The following DPY19L3 variants were observed in gnomAD, a reference collection of about 807,000 sequenced individuals.
DPY19L3 encodes the protein protein C-mannosyl-transferase DPY19L3.
Under a neutral mutation model 92.3 loss-of-function variants are expected in DPY19L3, and 51 were observed. That is an observed-to-expected ratio of 0.55 (90% CI 0.44 to 0.70). The LOEUF is 0.70. DPY19L3 is among the 30% of genes least tolerant of loss of function. DPY19L3 has a pLI of 0.00. For synonymous variants in DPY19L3, 309 were observed against 315.2 expected, an observed-to-expected ratio of 0.98 and a Z score of 0.21; for missense variants, 706 against 855.9, an observed-to-expected ratio of 0.82 and a Z score of 2.18.
At position 32,439,114 on chromosome 19, in the gene DPY19L3, T is replaced by C. The variant is rs1441350396; in HGVS notation, c.599T>C (p.Ile200Thr). The C allele has an allele frequency of 1.2e-6, 2 of 1,611,386 alleles. No homozygotes were observed. The highest frequency in any genetic ancestry group is 2.2e-5 in the East Asian group (1 of 44,872). The change falls in exon 7 of 19, where the codon ATA becomes ACA. Residue 200 changes from isoleucine (I) to threonine (T), a missense_variant and splice_region_variant. Transcript: ENST00000392250. ...CATTTGTGTTTTCTTTTGTGCAGAA[T>C]AGATACCACAAGAGTTGAGTTTACC... ...LAAFWYVTNR[I>T]DTTRVEFTIP...
intron 3 of DPY19L3, among the ~76,000 whole-genome samples, chr19:32,424,704 T>A (rs749797658): frequency 1.3e-5 from 2 of 152,162 alleles, no homozygotes; most frequent in African/African-American, 4.8e-5. Flanking sequence ...GAATCCCAGG[T>A]GGACTTTTCA....
intron 3 of DPY19L3, among the ~76,000 whole-genome samples, chr19:32,414,725 A>T (rs1442161517): frequency 1.3e-5 from 2 of 152,270 alleles, no homozygotes; most frequent in African/African-American, 4.8e-5. Flanking sequence ...TTGAATGCTA[A>T]CAACCGTATA....
At chr19:32,471,142 G>T (rs1284518547) in intron 16 of DPY19L3, among the ~76,000 whole-genome samples, 2 of 152,156 alleles carry the variant, frequency 1.3e-5, no homozygotes, top group African/African-American at 4.8e-5. Context: ...TCACCTCACT[G>T]CTTTGATTAG....
Position 32,436,384 on chromosome 19 carries a change from T to C in DPY19L3, c.329-62T>C. On this transcript the variant is annotated intron_variant, in intron 4 of 18. Transcript: ENST00000392250. ...ACTTACTAAACAATCTGTGCATAGT[T>C]TTGAATGAATGAATAATTATGAGTG... 2.3e-6 allele frequency: 3 copies of C among 1,288,400 alleles called. No homozygotes were observed. In the South Asian group the frequency reaches 5.3e-5, roughly 23 times the overall value. The allele number at this position is 1,288,400 out of a possible 1,614,324, so 79.8% of individuals were successfully genotyped here.
At chr19:32,463,232 ATTCAT>A in intron 12 of DPY19L3, 129 bp from the exon 13 acceptor site, 1 of 1,003,566 alleles carries the variant, frequency 1.0e-6, no homozygotes, top group Non-Finnish European at 1.5e-6. Context: ...ATCAATGCGA[ATTCAT>A]TTCATCTTAT....
chr19:32,406,023 G>T (rs1967928922), intron 1 of DPY19L3, 114 bp downstream of exon 1: 1 of 151,060 alleles, frequency 6.6e-6, no homozygotes, highest in Non-Finnish European at 1.5e-5. Context: ...TCCCCGCCGC[G>T]TGGCGCAGTC....
chr19:32,418,487 A>AT (rs1044887509), intron 3 of DPY19L3, among the ~76,000 whole-genome samples: 6 of 151,912 alleles, frequency 3.9e-5, no homozygotes, highest in African/African-American at 1.2e-4. Flanking sequence ...CGGGAACTAA[A>AT]TTTTTTTTTA....
chr19:32,424,259 G>A (rs892234795), intron 3 of DPY19L3, among the ~76,000 whole-genome samples: 1 of 151,346 alleles, frequency 6.6e-6, no homozygotes, highest in Admixed American at 6.6e-5. Flanking sequence ...GGTCAAGGCT[G>A]CAGTGAGCTG....
At chr19:32,427,292 C>G (rs187236274) in intron 3 of DPY19L3, among the ~76,000 whole-genome samples, 1 of 152,102 alleles carries the variant, frequency 6.6e-6, no homozygotes, top group African/African-American at 2.4e-5. Flanking sequence ...ACCGCACCCC[C>G]GCATTCTTCT....
intron 15 of DPY19L3, chr19:32,467,692 T>G (rs1246011354): frequency 1.0e-6 from 1 of 987,598 alleles, no homozygotes; most frequent in African/African-American, 1.7e-5. Flanking sequence ...CAGTGGAGCA[T>G]ACATACATTG....
intron 16 of DPY19L3, among the ~76,000 whole-genome samples, chr19:32,474,155 T>G (rs928358431): frequency 6.6e-6 from 1 of 152,258 alleles, no homozygotes; most frequent in African/African-American, 2.4e-5. Flanking sequence ...TGTATTTTAC[T>G]GCTTTAAAAT....
rs1444462232 is a variant in DPY19L3 at position 32,482,868 on chromosome 19, GTGTC to G, written c.*632_*635del. On this transcript the variant is annotated 3_prime_UTR_variant, in exon 19 of 19. Coordinates refer to ENST00000392250, the MANE Select transcript of DPY19L3 (RefSeq NM_001172774.2). ...CAGCAGTATGTGTCATGTATTGTGT[GTGTC>G]TGTGTGTGTGCATGTGCACACATGT... is the stretch of plus-strand genomic sequence containing the variant. The G allele has an allele frequency of 3.9e-5, 6 of 152,244 alleles. No individual in the cohort carries two copies. The highest frequency in any genetic ancestry group is 9.6e-5 in the African/African-American group (4 of 41,458). The allele number at this position is 152,244 out of a possible 1,614,324, so 9.4% of individuals were successfully genotyped here.
intron 18 of DPY19L3, 126 bp from the exon 19 acceptor site, chr19:32,481,953 A>G: frequency 2.7e-6 from 3 of 1,107,826 alleles, no homozygotes; most frequent in Admixed American, 5.1e-5. Flanking sequence ...GCCCATGGAC[A>G]TTGAAATAAT....
chr19:32,406,652 C>T (rs1967964183), intron 1 of DPY19L3, among the ~76,000 whole-genome samples: 1 of 152,208 alleles, frequency 6.6e-6, no homozygotes. Context: ...CCGGCTAGCG[C>T]TAGTCGTCCT....
chr19:32,457,804 C>T (rs1969913568), intron 10 of DPY19L3, among the ~76,000 whole-genome samples: 2 of 152,148 alleles, frequency 1.3e-5, no homozygotes, highest in Admixed American at 1.3e-4. Context: ...TCAGCCTTCT[C>T]CCTCTCCCTG....
chr19:32,431,095 C>T (rs953074775), intron 3 of DPY19L3, among the ~76,000 whole-genome samples: 2 of 152,090 alleles, frequency 1.3e-5, no homozygotes, highest in Non-Finnish European at 2.9e-5. Flanking sequence ...TATGAAAAAG[C>T]ATGGCCGGGT....
At chr19:32,431,191 C>T (rs1201768763) in intron 3 of DPY19L3, among the ~76,000 whole-genome samples, 1 of 152,008 alleles carries the variant, frequency 6.6e-6, no homozygotes, top group Non-Finnish European at 1.5e-5. Flanking sequence ...ACCAGCCTTA[C>T]CAACATGGAG....
intron 9 of DPY19L3, among the ~76,000 whole-genome samples, chr19:32,454,357 G>A (rs192930474): frequency 2.6e-5 from 4 of 152,098 alleles, no homozygotes; most frequent in Admixed American, 6.5e-5. Context: ...GGCAGATCAC[G>A]AGGTCAGGAA....
At chr19:32,447,803 ATAGATAGATAGAT>A (rs757814995) in intron 8 of DPY19L3, among the ~76,000 whole-genome samples, 5,061 of 20,150 alleles carry the variant, frequency 0.25, 357 homozygotes, top group Admixed American at 0.46. Context: ...CATCTCATTC[ATAGATAGATAGAT>A]TAGATAGATA....
Sources: allele counts gnomAD v4.1 joint callset (sites outside exome capture counted in the v4.1 genomes callset), GRCh38; gene constraint gnomAD v4.1.1; transcripts MANE v1.5; gene names NCBI Gene and HGNC (gene_info 2026-07-23, HGNC 2026-07-21).